RBM19: variants seen among roughly 807,000 people sequenced by gnomAD.
RBM19 encodes the protein probable RNA-binding protein 19.
Under a neutral mutation model 116.8 loss-of-function variants are expected in RBM19, and 94 were observed. The observed-to-expected ratio is 0.80, with a 90% CI of 0.68 to 0.95. The LOEUF is 0.95. RBM19 is among the 40% of genes least tolerant of loss of function. RBM19 has a pLI of 0.00. For synonymous variants in RBM19, 475 were observed against 494.1 expected, an observed-to-expected ratio of 0.96 and a Z score of 0.51; for missense variants, 1,161 against 1,220.7, an observed-to-expected ratio of 0.95 and a Z score of 0.73.
intron 22 of RBM19, among the ~76,000 whole-genome samples, chr12:113,851,734 G>GTTTT (rs11361920): frequency 4.2e-4 from 61 of 144,244 alleles, no homozygotes; most frequent in East Asian, 1.2e-3. Context: ...TTGTGGTAAA[G>GTTTT]TTTTTTTTTT....
rs577279192 is a variant in RBM19 at position 113,829,785 on chromosome 12, C to T, written c.2786-6464G>A. ...GCATGAGAGCACTTAGCCCAGGGCC[C>T]GGCCCGTTGAGGTGCCAGGCAAACA... is the stretch of plus-strand genomic sequence containing the variant. On this transcript the variant is annotated intron_variant, in intron 23 of 23. Coordinates refer to ENST00000261741, the MANE Select transcript of RBM19 (RefSeq NM_016196.4). Among the ~76,000 whole-genome samples the T allele has an allele frequency of 1.6e-3, 247 of 152,330 alleles. 3 individuals are homozygous for T. The highest frequency in any genetic ancestry group is 1.1e-3 in the African/African-American group (44 of 41,574).
intron 21 of RBM19, among the ~76,000 whole-genome samples, chr12:113,902,233 C>T (rs773479294): frequency 6.6e-6 from 1 of 152,096 alleles, no homozygotes; most frequent in Non-Finnish European, 1.5e-5. Context: ...TCACAAGGAC[C>T]CCCTAAGCTA....
At chr12:113,914,741 C>T (rs528737976) in intron 21 of RBM19, among the ~76,000 whole-genome samples, 5 of 152,312 alleles carry the variant, frequency 3.3e-5, no homozygotes, top group Non-Finnish European at 7.3e-5. Flanking sequence ...CCATCTGCCT[C>T]GGAGAGGGGG....
chr12:113,965,043 G>T (rs1026086034), intron 1 of RBM19, among the ~76,000 whole-genome samples: 5 of 151,814 alleles, frequency 3.3e-5, no homozygotes, highest in Non-Finnish European at 7.4e-5. Context: ...AGGCCGAGGC[G>T]GTGGATCACC....
At chr12:113,900,139 G>T (rs1881594302) in intron 21 of RBM19, among the ~76,000 whole-genome samples, 1 of 152,224 alleles carries the variant, frequency 6.6e-6, no homozygotes, top group South Asian at 2.1e-4. Context: ...TGCAGCGGAA[G>T]CCCGAGCCTG....
chr12:113,894,367 C>T (rs1299750764), intron 21 of RBM19, among the ~76,000 whole-genome samples: 5 of 152,172 alleles, frequency 3.3e-5, no homozygotes, highest in African/African-American at 1.2e-4. Context: ...GTTTTAGGTA[C>T]CAAAATACAA....
intron 21 of RBM19, among the ~76,000 whole-genome samples, chr12:113,894,587 G>C (rs1265095262): frequency 6.6e-6 from 1 of 152,166 alleles, no homozygotes; most frequent in Non-Finnish European, 1.5e-5. Flanking sequence ...TCCTCAGACT[G>C]GGGGTTGCAA....
chr12:113,918,442 G>A lies in RBM19; in HGVS notation c.2391C>T (p.His797=), dbSNP rs769404750. ...AQKALKQLQG[H]VVDGHKLEVR... ...CTTCCAGCTTGTGGCCGTCCACGAC[G>A]TGACCCTAAGAGAGAAGACAACATG... The change falls in exon 20 of 24, where the codon CAC becomes CAT. Residue 797 remains histidine, a synonymous_variant. Transcript: ENST00000261741. The A allele has an allele frequency of 3.7e-6, 6 of 1,614,164 alleles. No individual in the cohort carries two copies. The highest frequency in any genetic ancestry group is 3.3e-5 in the South Asian group (3 of 91,064).
intron 22 of RBM19, among the ~76,000 whole-genome samples, chr12:113,857,784 G>A (rs1052939250): frequency 6.6e-6 from 1 of 152,236 alleles, no homozygotes; most frequent in African/African-American, 2.4e-5. Flanking sequence ...CTGTGTCCTG[G>A]AGCTGCCACC....
intron 21 of RBM19, among the ~76,000 whole-genome samples, chr12:113,910,951 T>TG (rs565436097): frequency 8.6e-4 from 131 of 152,230 alleles, no homozygotes; most frequent in Non-Finnish European, 1.4e-3. Context: ...CTCTCTGCCC[T>TG]GGGCACTTCC....
chr12:113,892,699 A>G (rs1383312343), intron 21 of RBM19, among the ~76,000 whole-genome samples: 1 of 152,290 alleles, frequency 6.6e-6, no homozygotes, highest in East Asian at 1.9e-4. Context: ...GCAGACAGCC[A>G]CTCAAAAGGT....
intron 16 of RBM19, among the ~76,000 whole-genome samples, chr12:113,929,783 C>A (rs945908330): frequency 1.6e-4 from 25 of 152,220 alleles, no homozygotes; most frequent in Non-Finnish European, 5.9e-5. Flanking sequence ...TCACTCATGA[C>A]CACAGCAGCC....
At chr12:113,919,526 G>A (rs1019432016) in intron 19 of RBM19, among the ~76,000 whole-genome samples, 1 of 152,182 alleles carries the variant, frequency 6.6e-6, no homozygotes, top group East Asian at 1.9e-4. Flanking sequence ...AGCCGAGATC[G>A]CGCCACTGCA....
chr12:113,908,573 C>CAAAAAA lies in RBM19; in HGVS notation c.2558+6390_2558+6395dup, dbSNP rs11338829. Among the ~76,000 whole-genome samples the CAAAAAA allele has an allele frequency of 1.7e-3, 58 of 33,224 alleles. 1 individual carries two copies. The highest frequency in any genetic ancestry group is 9.6e-3 in the East Asian group (6 of 624). 21.8% of individuals were successfully genotyped at this position (33,224 alleles called of 152,430 possible). ...GTTCACACCTCAAGGAAGAAAATAGCAAAAAAAAAAAAAAAAAAAAAAAAA... is the reference window on the plus strand; with the variant it reads ...GTTCACACCTCAAGGAAGAAAATAGCAAAAAAAAAAAAAAAAAAAAAAAAAAAAAAA... On this transcript the variant is annotated intron_variant, in intron 21 of 23. Coordinates refer to ENST00000261741, the MANE Select transcript of RBM19 (RefSeq NM_016196.4).
chr12:113,909,852 T>A (rs1882319789), intron 21 of RBM19, among the ~76,000 whole-genome samples: 1 of 152,136 alleles, frequency 6.6e-6, no homozygotes, highest in Admixed American at 6.5e-5. Context: ...GCTGGGAGCT[T>A]TTCATGAGCC....
At chr12:113,926,963 T>C in intron 17 of RBM19, 91 bp downstream of exon 17, 1 of 1,404,610 alleles carries the variant, frequency 7.1e-7, no homozygotes. Flanking sequence ...ACACGCATCA[T>C]GTTTCAGGGC....
intron 22 of RBM19, among the ~76,000 whole-genome samples, chr12:113,845,236 T>C (rs1442540791): frequency 6.6e-6 from 1 of 152,154 alleles, no homozygotes; most frequent in African/African-American, 2.4e-5. Context: ...CTGGTGACTC[T>C]GTCCCCCACG....
intron 23 of RBM19, among the ~76,000 whole-genome samples, chr12:113,824,364 G>A (rs1291503638): frequency 6.6e-6 from 1 of 152,224 alleles, no homozygotes; most frequent in Non-Finnish European, 1.5e-5. Context: ...ATGGTGGCAG[G>A]AGAGGACGTG....
At chr12:113,942,572 A>G in intron 13 of RBM19, 138 bp from the exon 14 acceptor site, 1 of 625,956 alleles carries the variant, frequency 1.6e-6, no homozygotes, top group Non-Finnish European at 2.7e-6. Flanking sequence ...TACATTGATC[A>G]GATGCCCCCA....
Sources: gnomAD v4.1 joint callset for allele counts (sites outside exome capture counted in the v4.1 genomes callset) on GRCh38, gnomAD v4.1.1 for gene constraint, MANE v1.5 for transcripts, NCBI Gene and HGNC (gene_info 2026-07-23, HGNC 2026-07-21) for gene names.